Variants in AKAP10 observed in about 807,000 individuals in gnomAD.
The protein encoded by AKAP10 is A-kinase anchoring protein 10.
AKAP10 carries 24 observed loss-of-function variants against 80.8 expected under a neutral mutation model. The observed-to-expected ratio is 0.30, with a 90% CI of 0.22 to 0.42. The LOEUF (loss-of-function observed/expected upper bound fraction) is 0.42. AKAP10 is among the 10% of genes least tolerant of loss of function. AKAP10 has a pLI of 1.00. For synonymous variants in AKAP10, 291 were observed against 277.7 expected (o/e 1.05, Z -0.48); for missense variants, 661 against 794.9 (o/e 0.83, Z 2.03).
rs750537982 is a variant in AKAP10, at chr17:19,962,993, T to C, written c.166A>G (p.Ser56Gly). 3.1e-6 allele frequency: 5 copies of C among 1,612,866 alleles called. No individual in the cohort carries two copies. The highest frequency in any genetic ancestry group is 2.2e-5 in the South Asian group (2 of 90,950). ...ASISVHSPQKSTKNHALLEAA... is the reference protein window; with the variant it reads ...ASISVHSPQKGTKNHALLEAA... ...TCCAGCAAGGCATGATTTTTAGTGC[T>C]TTTTTGTGGGGAATGTACGGATATT... is the stretch of plus-strand genomic sequence containing the variant. Residue 56 changes from serine to glycine, a missense_variant, in exon 3 of 15, where the codon AGC becomes GGC. Transcript: ENST00000225737.
chr17:19,977,306 C>T (rs893801567), intron 1 of AKAP10, among the ~76,000 whole-genome samples: 1 of 152,176 alleles, frequency 6.6e-6, no homozygotes, highest in Admixed American at 6.5e-5. Context: ...AAAAACTAAC[C>T]CCCACCTAAG....
At chr17:19,955,886 G>C (rs970566909) in intron 4 of AKAP10, among the ~76,000 whole-genome samples, 3 of 151,820 alleles carry the variant, frequency 2.0e-5, no homozygotes, top group Non-Finnish European at 2.9e-5. Flanking sequence ...TCCAGAAACA[G>C]GTTAGAAACT....
At chr17:19,956,614 A>C (rs940906204) in intron 4 of AKAP10, among the ~76,000 whole-genome samples, 1 of 151,922 alleles carries the variant, frequency 6.6e-6, no homozygotes, top group Admixed American at 6.6e-5. Flanking sequence ...TGGTCTCAAA[A>C]CTCCTGGGCT....
chr17:19,920,704 G>A (rs1340356698), intron 11 of AKAP10, among the ~76,000 whole-genome samples: 1 of 151,802 alleles, frequency 6.6e-6, no homozygotes, highest in Non-Finnish European at 1.5e-5. Flanking sequence ...TTAGCTGGGT[G>A]TGGTGGTGGA....
At chr17:19,972,462 TTTTG>T (rs2043510121) in intron 1 of AKAP10, among the ~76,000 whole-genome samples, 1 of 152,168 alleles carries the variant, frequency 6.6e-6, no homozygotes, top group Non-Finnish European at 1.5e-5. Flanking sequence ...CTTTGTTTTG[TTTTG>T]TTTTTTTGAG....
chr17:19,963,674 CA>C (rs1318127391), intron 2 of AKAP10, among the ~76,000 whole-genome samples: 1 of 152,070 alleles, frequency 6.6e-6, no homozygotes. Flanking sequence ...GTGGGTGGAT[CA>C]CCTGAGGTCA....
At chr17:19,968,169 C>A (rs1331527317) in intron 2 of AKAP10, 4 of 319,290 alleles carry the variant, frequency 1.3e-5, no homozygotes, top group African/African-American at 9.4e-5. Context: ...CCACTGCACT[C>A]CAGCCTGGGT....
At chr17:19,937,100 T>C (rs1283980439) in intron 8 of AKAP10, among the ~76,000 whole-genome samples, 1 of 143,340 alleles carries the variant, frequency 7.0e-6, no homozygotes, top group African/African-American at 2.5e-5. Context: ...AAGCATTAAA[T>C]GCGAGAAAAA....
Position 19,940,871 on chromosome 17 carries a change from G to A in AKAP10, c.1185+16C>T. The A allele has an allele frequency of 6.3e-7, 1 of 1,585,238 alleles. No homozygotes were observed. The highest frequency in any genetic ancestry group is 1.2e-5 in the South Asian group (1 of 85,246). ...GGAATGCTCGAATAGAGTGTGAAAA[G>A]AAATGCAGACTTTACCTCAGAGAAA... On this transcript the variant is annotated intron_variant, in intron 7 of 14. Coordinates refer to ENST00000225737, the MANE Select transcript of AKAP10 (RefSeq NM_007202.4).
intron 14 of AKAP10, among the ~76,000 whole-genome samples, chr17:19,907,564 C>A (rs1346149458): frequency 1.3e-5 from 2 of 151,824 alleles, no homozygotes; most frequent in Non-Finnish European, 2.9e-5. Flanking sequence ...ACTATAGGCA[C>A]CTGCCACCAT....
At chr17:19,923,144 C>A (rs902860855) in intron 11 of AKAP10, among the ~76,000 whole-genome samples, 26 of 152,060 alleles carry the variant, frequency 1.7e-4, no homozygotes, top group Admixed American at 1.2e-3. Context: ...ATGGTGTGAT[C>A]TTGGCTCACT....
intron 9 of AKAP10, among the ~76,000 whole-genome samples, chr17:19,934,572 A>G (rs973778982): frequency 3.3e-5 from 5 of 152,212 alleles, no homozygotes; most frequent in Non-Finnish European, 7.3e-5. Flanking sequence ...TAATAAAAGT[A>G]GTTAACATTT....
At chr17:19,976,583 T>C (rs2043570273) in intron 1 of AKAP10, among the ~76,000 whole-genome samples, 1 of 151,800 alleles carries the variant, frequency 6.6e-6, no homozygotes, top group Admixed American at 6.6e-5. Context: ...GCAATGGTGC[T>C]ATCTCGGCTC....
At chr17:19,968,292 G>T in intron 2 of AKAP10, 122 bp downstream of exon 2, 2 of 655,450 alleles carry the variant, frequency 3.1e-6, no homozygotes, top group Non-Finnish European at 5.1e-6. Context: ...AAAATCATAA[G>T]TAATTATAAA....
At chr17:19,933,633 T>C (rs1234174408) in intron 9 of AKAP10, among the ~76,000 whole-genome samples, 3 of 152,238 alleles carry the variant, frequency 2.0e-5, no homozygotes, top group African/African-American at 7.2e-5. Context: ...AAAGGTTTAA[T>C]TTTAATCGTG....
chr17:19,955,977 A>C lies in AKAP10; in HGVS notation c.877+2037T>G, dbSNP rs1047947787. ...ACTAAGGAAAATAGTGGGAGGCAGA[A>C]ACAAATACAGGCAGTGCCCTTATCT... On this transcript the variant is annotated intron_variant, in intron 4 of 14. Coordinates refer to ENST00000225737, the MANE Select transcript of AKAP10 (RefSeq NM_007202.4). 2.6e-5 allele frequency among the ~76,000 whole-genome samples: 4 copies of C among 152,340 alleles called. No individual in the cohort carries two copies. The South Asian group carries it at 6.2e-4, about 24-fold the overall frequency.
chr17:19,931,114 C>T (rs1218956933), intron 10 of AKAP10, among the ~76,000 whole-genome samples: 1 of 151,838 alleles, frequency 6.6e-6, no homozygotes, highest in African/African-American at 2.4e-5. Flanking sequence ...TTCCAGGTTG[C>T]AGCGAGGAGA....
At chr17:19,972,488 C>A (rs916810496) in intron 1 of AKAP10, among the ~76,000 whole-genome samples, 3 of 152,166 alleles carry the variant, frequency 2.0e-5, no homozygotes, top group African/African-American at 7.2e-5. Context: ...CGGAATCTCA[C>A]TCTGTCGCCC....
At position 19,977,700 on chromosome 17, in the gene AKAP10, C is replaced by T; in HGVS notation, c.-21G>A. 8.1e-7 allele frequency: 1 copy of T among 1,231,148 alleles called. No individual in the cohort carries two copies. Among genetic ancestry groups the T allele is most frequent in the Non-Finnish European group, 1.0e-6 (1 of 983,766 alleles). 76.3% of individuals were successfully genotyped at this position (1,231,148 alleles called of 1,614,324 possible). A position where few individuals can be genotyped will look rare whatever the true frequency, so the allele number is the denominator to read the frequency against. On this transcript the variant is annotated 5_prime_UTR_variant, in exon 1 of 15. Transcript: ENST00000225737. ...CTCATTCAGCAACCGGCCCGGACTT[C>T]CGGGTCCAGAGGGGCCGCTGCACTA...
Sources: gnomAD v4.1 joint callset for allele counts (sites outside exome capture counted in the v4.1 genomes callset) on GRCh38, gnomAD v4.1.1 for gene constraint, MANE v1.5 for transcripts, NCBI Gene and HGNC (gene_info 2026-07-23, HGNC 2026-07-21) for gene names.